Variants in KLF8 observed in about 807,000 individuals in gnomAD.
KLF8 encodes Krueppel-like factor 8.
In KLF8, 10 loss-of-function variants were observed where a neutral mutation model predicts 18.2. The observed-to-expected ratio is 0.55, with a 90% CI of 0.34 to 0.93. The LOEUF (loss-of-function observed/expected upper bound fraction) is 0.93, where lower values mean the gene tolerates loss of function less well. KLF8 is among the 40% of genes least tolerant of loss of function. The pLI is 0.02. For synonymous variants in KLF8, 109 were observed against 97.3 expected, an observed-to-expected ratio of 1.12 and a Z score of -0.71; for missense variants, 264 against 277.9, an observed-to-expected ratio of 0.95 and a Z score of 0.36.
the KLF8 span, among the ~76,000 whole-genome samples, chrX:56,025,081 T>G: frequency 8.9e-6 from 1 of 112,361 alleles, no homozygotes; most frequent in African/African-American, 3.2e-5. Context: ...ATTCTTGGGC[T>G]TCCCATGGCC....
At chrX:56,016,310 G>C in the KLF8 span, among the ~76,000 whole-genome samples, 1 of 112,272 alleles carries the variant, frequency 8.9e-6, no homozygotes, top group East Asian at 2.8e-4. Flanking sequence ...TTGTTGAGTA[G>C]ATCAATCAAA....
chrX:56,169,575 T>C, the KLF8 span, among the ~76,000 whole-genome samples: 1 of 111,215 alleles, frequency 9.0e-6, no homozygotes, highest in Non-Finnish European at 1.9e-5. Context: ...CCTGTGATGG[T>C]GGTAGCCATG....
chrX:56,106,823 G>T, the KLF8 span, among the ~76,000 whole-genome samples: 2 of 112,378 alleles, frequency 1.8e-5, no homozygotes, highest in South Asian at 7.3e-4. Flanking sequence ...CAGCTTTTCT[G>T]CTCTGGTTTC....
chrX:55,948,790 G>T, the KLF8 span, among the ~76,000 whole-genome samples: 1 of 111,523 alleles, frequency 9.0e-6, no homozygotes, highest in Non-Finnish European at 1.9e-5. Context: ...ATGAGGTTGA[G>T]TCCTAGCTCT....
At chrX:56,083,669 G>GT in the KLF8 span, among the ~76,000 whole-genome samples, 1 of 111,949 alleles carries the variant, frequency 8.9e-6, no homozygotes, top group Non-Finnish European at 1.9e-5. Context: ...TCAGTGGCCT[G>GT]TTAGAAACCA....
chrX:56,190,456 A>C, the KLF8 span, among the ~76,000 whole-genome samples: 4 of 111,888 alleles, frequency 3.6e-5, no homozygotes, highest in Non-Finnish European at 5.7e-5. Context: ...AATCAAACTT[A>C]ATCTGCACTA....
At chrX:55,988,198 T>G in the KLF8 span, among the ~76,000 whole-genome samples, 111 of 111,565 alleles carry the variant, frequency 9.9e-4, no homozygotes, top group Non-Finnish European at 1.5e-3. Context: ...AGAAGCTCTT[T>G]AGTTTAATTA....
the KLF8 span, among the ~76,000 whole-genome samples, chrX:55,931,711 T>A: frequency 1.3e-3 from 142 of 112,328 alleles, 1 homozygote; most frequent in African/African-American, 4.5e-3. Context: ...TGAGTTCTAA[T>A]TTGATTGCAC....
chrX:56,038,378 C>T, the KLF8 span, among the ~76,000 whole-genome samples: 1 of 111,768 alleles, frequency 8.9e-6, no homozygotes, highest in South Asian at 3.8e-4. Context: ...TCACCCCACA[C>T]ATCACCTTCT....
chrX:56,095,110 G>T, the KLF8 span, among the ~76,000 whole-genome samples: 1 of 111,595 alleles, frequency 9.0e-6, no homozygotes, highest in Non-Finnish European at 1.9e-5. Flanking sequence ...CATGGCACTG[G>T]TATAAAAATA....
intron 2 of KLF8, among the ~76,000 whole-genome samples, chrX:56,261,370 G>A (rs1373639795): frequency 9.0e-6 from 1 of 111,330 alleles, no homozygotes; most frequent in Non-Finnish European, 1.9e-5. Context: ...TAGCAAATGG[G>A]GAAAGTAGCT....
At chrX:56,143,444 A>G in the KLF8 span, among the ~76,000 whole-genome samples, 1 of 112,326 alleles carries the variant, frequency 8.9e-6, no homozygotes, top group African/African-American at 3.2e-5. Context: ...GAATGAAGGT[A>G]ACACAAGGAC....
the KLF8 span, among the ~76,000 whole-genome samples, chrX:56,158,205 T>A: frequency 9.0e-6 from 1 of 111,657 alleles, no homozygotes; most frequent in African/African-American, 3.3e-5. Context: ...GTTGTAGATA[T>A]GTGGCATTAT....
At chrX:56,187,088 G>T in the KLF8 span, among the ~76,000 whole-genome samples, 1 of 111,264 alleles carries the variant, frequency 9.0e-6, no homozygotes. Context: ...TCTAGGAGCT[G>T]GTTTTTGAAA....
At chrX:56,191,772 C>T in the KLF8 span, among the ~76,000 whole-genome samples, 2 of 110,866 alleles carry the variant, frequency 1.8e-5, no homozygotes, top group Admixed American at 1.9e-4. Context: ...AATAAAAATT[C>T]AACATAACTT....
At chrX:56,210,804 A>G in the KLF8 span, among the ~76,000 whole-genome samples, 36 of 108,592 alleles carry the variant, frequency 3.3e-4, no homozygotes, top group African/African-American at 1.0e-3. Context: ...CTTCTGCTTG[A>G]TGAATTTTGC....
chrX:56,164,856 C>A, the KLF8 span, among the ~76,000 whole-genome samples: 1 of 89,384 alleles, frequency 1.1e-5, no homozygotes, highest in Non-Finnish European at 2.2e-5. Flanking sequence ...CACCCACTAA[C>A]GTGTCATCTA....
At chrX:56,159,160 A>G in the KLF8 span, among the ~76,000 whole-genome samples, 2 of 111,765 alleles carry the variant, frequency 1.8e-5, no homozygotes, top group Non-Finnish European at 3.8e-5. Flanking sequence ...GATTTTTGTC[A>G]TTGTTTCTGT....
chrX:56,187,925 T>A, the KLF8 span, among the ~76,000 whole-genome samples: 1 of 111,977 alleles, frequency 8.9e-6, no homozygotes, highest in Non-Finnish European at 1.9e-5. Flanking sequence ...TCATACTGAA[T>A]GGGCAAAAAC....
Sources: gnomAD v4.1 joint callset for allele counts (sites outside exome capture counted in the v4.1 genomes callset) on GRCh38, gnomAD v4.1.1 for gene constraint, MANE v1.5 for transcripts, NCBI Gene and HGNC (gene_info 2026-07-23, HGNC 2026-07-21) for gene names.